Variants in DAAM1 observed in about 807,000 individuals in gnomAD.
The protein encoded by DAAM1 is disheveled-associated activator of morphogenesis 1.
A neutral mutation model predicts 130.0 loss-of-function variants in DAAM1; 52 were observed. The ratio of observed to expected loss-of-function variants is 0.40; its 90% CI spans 0.32 to 0.50. DAAM1 has a LOEUF of 0.50. Among genes scored for constraint, DAAM1 ranks in the 20% least tolerant of loss-of-function variants. The pLI is 0.61. For synonymous variants in DAAM1, 452 were observed against 444.5 expected (o/e 1.02, Z -0.21); for missense variants, 1,134 against 1,303.8 (o/e 0.87, Z 2.01).
intron 15 of DAAM1, among the ~76,000 whole-genome samples, chr14:59,338,747 T>C (rs902463332): frequency 6.6e-6 from 1 of 152,180 alleles, no homozygotes; most frequent in Non-Finnish European, 1.5e-5. Context: ...CAATAATTTA[T>C]ATAATTGTTT....
chr14:59,221,625 C>T (rs1026040831), intron 1 of DAAM1, among the ~76,000 whole-genome samples: 2 of 152,214 alleles, frequency 1.3e-5, no homozygotes, highest in African/African-American at 4.8e-5. Context: ...AAGCTCTAAA[C>T]GATCTCTTGT....
intron 15 of DAAM1, among the ~76,000 whole-genome samples, chr14:59,332,865 C>T (rs929028514): frequency 4.6e-5 from 7 of 152,120 alleles, no homozygotes; most frequent in South Asian, 2.1e-4. Flanking sequence ...CAGGAACACA[C>T]GAATGCTGGG....
chr14:59,244,141 C>T (rs1881251641), intron 1 of DAAM1, among the ~76,000 whole-genome samples: 1 of 152,098 alleles, frequency 6.6e-6, no homozygotes, highest in African/African-American at 2.4e-5. Flanking sequence ...ACTTGGCTCT[C>T]TAATTCTCTC....
intron 1 of DAAM1, among the ~76,000 whole-genome samples, chr14:59,253,464 A>G (rs912159950): frequency 1.3e-5 from 2 of 152,236 alleles, no homozygotes; most frequent in Non-Finnish European, 2.9e-5. Flanking sequence ...TAATCTTCGC[A>G]TAAAAGTAGG....
rs765869254 is a variant in DAAM1, at chr14:59,324,140, G to T, written c.787G>T (p.Asp263Tyr). Residue 263 changes from aspartate to tyrosine, a missense_variant, in exon 7 of 25, where the codon GAC becomes TAC. Asp to Tyr is a radical substitution (Grantham distance 160). This residue lies in a region of DAAM1 where 391 missense variants were observed against 521.6 expected (regional missense o/e 0.75). Coordinates refer to ENST00000360909, the MANE Select transcript of DAAM1 (RefSeq NM_001270520.2). ...ERTRFQTLINDLDKSTGRYRD... is the reference protein window; with the variant it reads ...ERTRFQTLINYLDKSTGRYRD... ...CTATTTTTGATAGACATTAATTAAC[G>T]ACTTGGATAAAAGCACTGGGCGGTA... 6 of 1,401,878 alleles carry T rather than the reference G, an allele frequency of 4.3e-6. No homozygotes were observed. The highest frequency in any genetic ancestry group is 1.5e-5 in the African/African-American group (1 of 67,990). The allele number at this position is 1,401,878 out of a possible 1,614,324, so 86.8% of individuals were successfully genotyped here. A position where few individuals can be genotyped will look rare whatever the true frequency, so the allele number is the denominator to read the frequency against.
intron 2 of DAAM1, among the ~76,000 whole-genome samples, chr14:59,290,180 A>C (rs1394097374): frequency 2.0e-5 from 3 of 152,224 alleles, no homozygotes; most frequent in Non-Finnish European, 4.4e-5. Flanking sequence ...GTTAAACACC[A>C]ATAACTTTTT....
chr14:59,345,436 G>T (rs1400488960), intron 16 of DAAM1, among the ~76,000 whole-genome samples: 1 of 152,096 alleles, frequency 6.6e-6, no homozygotes, highest in Non-Finnish European at 1.5e-5. Context: ...GCTTTATTTG[G>T]GTTTGAGAAC....
chr14:59,235,897 A>G (rs1197748699), intron 1 of DAAM1, among the ~76,000 whole-genome samples: 2 of 152,320 alleles, frequency 1.3e-5, no homozygotes, highest in Non-Finnish European at 1.5e-5. Flanking sequence ...TGGAACACGC[A>G]TGCAGCTGGT....
intron 3 of DAAM1, among the ~76,000 whole-genome samples, chr14:59,304,403 A>T (rs1884299748): frequency 6.6e-6 from 1 of 152,216 alleles, no homozygotes; most frequent in Admixed American, 6.5e-5. Context: ...TGTGCCACTA[A>T]TAATTTGGGA....
At chr14:59,301,586 C>G (rs1349652061) in intron 3 of DAAM1, among the ~76,000 whole-genome samples, 1 of 152,090 alleles carries the variant, frequency 6.6e-6, no homozygotes, top group Non-Finnish European at 1.5e-5. Context: ...TGCCACTTCC[C>G]TGGTTGGTGA....
chr14:59,312,858 C>G (rs979761891), intron 3 of DAAM1, among the ~76,000 whole-genome samples: 9 of 152,156 alleles, frequency 5.9e-5, no homozygotes, highest in African/African-American at 2.2e-4. Flanking sequence ...AAGGGCTCCC[C>G]CATCCACAGA....
chr14:59,285,632 T>G (rs942032308), intron 2 of DAAM1, among the ~76,000 whole-genome samples: 1 of 152,166 alleles, frequency 6.6e-6, no homozygotes, highest in African/African-American at 2.4e-5. Context: ...TTCTTGTATC[T>G]GATAAAACAG....
intron 1 of DAAM1, among the ~76,000 whole-genome samples, chr14:59,238,017 G>T (rs920557306): frequency 6.6e-6 from 1 of 152,134 alleles, no homozygotes; most frequent in Non-Finnish European, 1.5e-5. Flanking sequence ...AATGATTCAG[G>T]TTACTGTAAT....
At chr14:59,319,587 A>C (rs911775422) in intron 4 of DAAM1, among the ~76,000 whole-genome samples, 1 of 152,188 alleles carries the variant, frequency 6.6e-6, no homozygotes, top group Non-Finnish European at 1.5e-5. Context: ...TCAGAATAGG[A>C]TGAAGAAAAG....
intron 3 of DAAM1, among the ~76,000 whole-genome samples, chr14:59,297,071 A>G (rs1883983349): frequency 6.6e-6 from 1 of 152,168 alleles, no homozygotes; most frequent in Non-Finnish European, 1.5e-5. Flanking sequence ...CAGTTGGTCA[A>G]CAGGAGCTGC....
chr14:59,315,206 T>C, intron 3 of DAAM1, 74 bp from the exon 4 acceptor site: 1 of 1,340,460 alleles, frequency 7.5e-7, no homozygotes, highest in South Asian at 1.2e-5. Context: ...CTGGGTGCTC[T>C]GGAAGTCGGA....
intron 3 of DAAM1, among the ~76,000 whole-genome samples, chr14:59,305,952 G>A (rs528906207): frequency 6.6e-6 from 1 of 152,330 alleles, no homozygotes; most frequent in East Asian, 1.9e-4. Context: ...TCAAGGAAAT[G>A]TCTCAAAGGA....
intron 20 of DAAM1, among the ~76,000 whole-genome samples, chr14:59,356,719 A>C (rs538091715): frequency 2.5e-4 from 38 of 152,346 alleles, no homozygotes; most frequent in Non-Finnish European, 4.7e-4. Context: ...TACACACACA[A>C]AAGCAATCAC....
chr14:59,366,617 T>C (rs1886927093), intron 23 of DAAM1, among the ~76,000 whole-genome samples: 1 of 152,214 alleles, frequency 6.6e-6, no homozygotes, highest in South Asian at 2.1e-4. Context: ...GAGGTCATCA[T>C]ACATGTTAAG....
Sources: gnomAD v4.1 joint callset for allele counts (sites outside exome capture counted in the v4.1 genomes callset) on GRCh38, gnomAD v4.1.1 for gene constraint, gnomAD v4.1.1 regional missense constraint, MANE v1.5 for transcripts, NCBI Gene and HGNC (gene_info 2026-07-23, HGNC 2026-07-21) for gene names.